CNTNAP2: variants seen among roughly 807,000 people sequenced by gnomAD.
CNTNAP2 encodes contactin-associated protein-like 2.
A neutral mutation model predicts 155.2 loss-of-function variants in CNTNAP2; 98 were observed. The ratio of observed to expected loss-of-function variants is 0.63; its 90% CI spans 0.54 to 0.75. The LOEUF (loss-of-function observed/expected upper bound fraction) is 0.75. CNTNAP2 is among the 30% of genes least tolerant of loss of function. The pLI, the probability that CNTNAP2 is intolerant of heterozygous loss-of-function variation, is 0.00. For missense variants in CNTNAP2, 1,727 were observed against 1,688.1 expected, an observed-to-expected ratio of 1.02 and a Z score of -0.40; for synonymous variants, 651 against 631.2, an observed-to-expected ratio of 1.03 and a Z score of -0.47.
At chr7:148,348,672 G>C (rs1177918) in intron 21 of CNTNAP2, among the ~76,000 whole-genome samples, 149,286 of 152,274 alleles carry the variant, frequency 0.98, 73,246 homozygotes, top group East Asian at 1. Context: ...TGTAAGCACC[G>C]TCAAGGCAAA....
At chr7:147,803,570 A>C (rs983295890) in intron 13 of CNTNAP2, among the ~76,000 whole-genome samples, 1 of 152,222 alleles carries the variant, frequency 6.6e-6, no homozygotes, top group African/African-American at 2.4e-5. Flanking sequence ...ATATATTTCA[A>C]ACCTCAAGAG....
At chr7:147,678,023 A>G (rs1354770141) in intron 13 of CNTNAP2, among the ~76,000 whole-genome samples, 1 of 151,816 alleles carries the variant, frequency 6.6e-6, no homozygotes, top group Non-Finnish European at 1.5e-5. Context: ...TTTAGGGTAT[A>G]TAATACAATT....
At chr7:147,349,542 GA>G (rs980115564) in intron 9 of CNTNAP2, among the ~76,000 whole-genome samples, 5 of 151,618 alleles carry the variant, frequency 3.3e-5, no homozygotes. Flanking sequence ...AAGATAGATA[GA>G]AAAAAATATA....
intron 1 of CNTNAP2, among the ~76,000 whole-genome samples, chr7:146,705,402 G>A (rs1800945427): frequency 6.6e-6 from 1 of 152,048 alleles, no homozygotes; most frequent in African/African-American, 2.4e-5. Context: ...GTTCTCGCAT[G>A]GTGGGGAGGG....
chr7:147,620,801 G>C (rs1794832191), intron 12 of CNTNAP2, among the ~76,000 whole-genome samples: 1 of 152,012 alleles, frequency 6.6e-6, no homozygotes, highest in African/African-American at 2.4e-5. Context: ...AGAGGAGGTA[G>C]AAAAAGAGAT....
At chr7:146,254,663 T>G (rs1019842769) in intron 1 of CNTNAP2, among the ~76,000 whole-genome samples, 2 of 152,212 alleles carry the variant, frequency 1.3e-5, no homozygotes, top group Non-Finnish European at 2.9e-5. Flanking sequence ...TTGTACCTTT[T>G]TTTCTGGAGC....
intron 4 of CNTNAP2, among the ~76,000 whole-genome samples, chr7:147,065,275 T>C (rs1799756387): frequency 6.6e-6 from 1 of 152,174 alleles, no homozygotes; most frequent in Non-Finnish European, 1.5e-5. Context: ...TTGCACATAG[T>C]AATTATTAAG....
intron 13 of CNTNAP2, among the ~76,000 whole-genome samples, chr7:147,787,445 T>A (rs1423710582): frequency 6.6e-6 from 1 of 152,226 alleles, no homozygotes; most frequent in Non-Finnish European, 1.5e-5. Context: ...AAATATTAAT[T>A]CTGTTTGAAG....
chr7:147,240,506 C>T (rs1315513366), intron 8 of CNTNAP2, among the ~76,000 whole-genome samples: 1 of 152,238 alleles, frequency 6.6e-6, no homozygotes, highest in Non-Finnish European at 1.5e-5. Flanking sequence ...AGGCGTTTCA[C>T]TTCCAATTTT....
intron 1 of CNTNAP2, among the ~76,000 whole-genome samples, chr7:146,699,191 A>G (rs1228730516): frequency 6.6e-6 from 1 of 152,140 alleles, no homozygotes; most frequent in Admixed American, 6.6e-5. Flanking sequence ...AATATGATGC[A>G]TGAGGGAAAA....
chr7:148,316,761 A>G (rs11771834), intron 21 of CNTNAP2, among the ~76,000 whole-genome samples: 34,305 of 152,174 alleles, frequency 0.23, 4,220 homozygotes, highest in Middle Eastern at 0.3. Flanking sequence ...CAAAAATCCT[A>G]TTGCGATCTC....
chr7:146,754,554 G>GTCTGTC (rs1554476651), intron 1 of CNTNAP2, among the ~76,000 whole-genome samples: 1 of 144,870 alleles, frequency 6.9e-6, no homozygotes, highest in Non-Finnish European at 1.5e-5. Context: ...CTCTCTCTCT[G>GTCTGTC]TCTCTCTCTC....
chr7:147,314,346 T>A (rs553264641), intron 9 of CNTNAP2, among the ~76,000 whole-genome samples: 33 of 152,320 alleles, frequency 2.2e-4, no homozygotes, highest in African/African-American at 7.5e-4. Context: ...TTGTCTTTAA[T>A]ACTTTTCCAA....
At chr7:146,614,990 AAAG>A (rs1799200675) in intron 1 of CNTNAP2, among the ~76,000 whole-genome samples, 1 of 152,234 alleles carries the variant, frequency 6.6e-6, no homozygotes, top group Admixed American at 6.5e-5. Flanking sequence ...GCTTTTGAAA[AAAG>A]AAAATATACT....
At chr7:147,219,626 T>G (rs911811307) in intron 8 of CNTNAP2, among the ~76,000 whole-genome samples, 1 of 152,208 alleles carries the variant, frequency 6.6e-6, no homozygotes, top group Non-Finnish European at 1.5e-5. Context: ...TAGATTCAAA[T>G]GTTAATCTCC....
intron 13 of CNTNAP2, among the ~76,000 whole-genome samples, chr7:147,804,361 G>C (rs1798056537): frequency 6.6e-6 from 1 of 152,248 alleles, no homozygotes; most frequent in East Asian, 1.9e-4. Flanking sequence ...AATCACACTG[G>C]AAATTCTGTA....
At chr7:146,551,021 A>G (rs1798113716) in intron 1 of CNTNAP2, among the ~76,000 whole-genome samples, 1 of 152,128 alleles carries the variant, frequency 6.6e-6, no homozygotes, top group African/African-American at 2.4e-5. Flanking sequence ...GGAAAGTGTG[A>G]TTTGGTAACG....
intron 3 of CNTNAP2, among the ~76,000 whole-genome samples, chr7:146,869,650 G>A (rs899974932): frequency 6.6e-6 from 1 of 152,116 alleles, no homozygotes; most frequent in African/African-American, 2.4e-5. Context: ...AGGTCCAAGA[G>A]CCCCTTGCAA....
intron 1 of CNTNAP2, among the ~76,000 whole-genome samples, chr7:146,139,370 GT>G (rs1375041207): frequency 6.6e-6 from 1 of 152,020 alleles, no homozygotes; most frequent in South Asian, 2.1e-4. Context: ...CTGTGGAGCT[GT>G]TTTTTCCCAC....
Sources: allele counts gnomAD v4.1 joint callset (sites outside exome capture counted in the v4.1 genomes callset), GRCh38; gene constraint gnomAD v4.1.1; transcripts MANE v1.5; gene names NCBI Gene and HGNC (gene_info 2026-07-23, HGNC 2026-07-21).